LINGO2: variants seen among roughly 807,000 people sequenced by gnomAD.
LINGO2 encodes leucine rich repeat and Ig domain containing 2.
In LINGO2, 14 loss-of-function variants were observed where a neutral mutation model predicts 30.6. The ratio of observed to expected loss-of-function variants is 0.46; its 90% CI spans 0.30 to 0.72. The LOEUF (loss-of-function observed/expected upper bound fraction) is 0.72, where lower values mean the gene tolerates loss of function less well. Among genes scored for constraint, LINGO2 ranks in the 30% least tolerant of loss-of-function variants. The pLI, the probability that LINGO2 is intolerant of heterozygous loss-of-function variation, is 0.07. For synonymous variants in LINGO2, 317 were observed against 288.5 expected (o/e 1.10, Z -1.00); for missense variants, 729 against 751.7 (o/e 0.97, Z 0.35).
chr9:28,017,974 T>C (rs1212010849), intron 4 of LINGO2, among the ~76,000 whole-genome samples: 1 of 152,012 alleles, frequency 6.6e-6, no homozygotes, highest in Non-Finnish European at 1.5e-5. Flanking sequence ...ATCCATAGAG[T>C]AACCAAAACA....
the LINGO2 span, among the ~76,000 whole-genome samples, chr9:29,014,484 A>C: frequency 1.3e-5 from 2 of 152,126 alleles, no homozygotes; most frequent in Non-Finnish European, 2.9e-5. Flanking sequence ...AGATGTATCA[A>C]CTCACTTTAT....
At chr9:29,018,919 A>G in the LINGO2 span, among the ~76,000 whole-genome samples, 17 of 152,282 alleles carry the variant, frequency 1.1e-4, no homozygotes, top group African/African-American at 4.1e-4. Flanking sequence ...GGTATGAGCA[A>G]AAAGACTTGA....
chr9:28,648,620 A>G (rs1827948569), intron 1 of LINGO2, among the ~76,000 whole-genome samples: 1 of 152,118 alleles, frequency 6.6e-6, no homozygotes, highest in South Asian at 2.1e-4. Flanking sequence ...ATATCCAATC[A>G]TGTTTGAACA....
At position 28,082,204 on chromosome 9, in the gene LINGO2, C is replaced by G. The variant is rs1587822579; in HGVS notation, c.-86-69799G>C. 2.0e-5 allele frequency among the ~76,000 whole-genome samples: 3 copies of G among 152,198 alleles called. No individual in the cohort carries two copies. In the East Asian group the frequency reaches 5.8e-4, roughly 29 times the overall value. On this transcript the variant is annotated intron_variant, in intron 4 of 5. Transcript: ENST00000379992. ...AACAAAACAAAACAAAAATCACCTT[C>G]TGAAACCTTATTAAGACACATGAAA...
chr9:29,021,430 G>C, the LINGO2 span, among the ~76,000 whole-genome samples: 3 of 152,098 alleles, frequency 2.0e-5, no homozygotes, highest in Admixed American at 6.6e-5. Context: ...AGGCGATGCG[G>C]GCGGATCATG....
At chr9:28,986,547 T>C in the LINGO2 span, among the ~76,000 whole-genome samples, 1 of 152,066 alleles carries the variant, frequency 6.6e-6, no homozygotes, top group African/African-American at 2.4e-5. Context: ...CTTCAGTTTC[T>C]TTCATCAATG....
the LINGO2 span, among the ~76,000 whole-genome samples, chr9:28,838,193 T>C: frequency 4.7e-4 from 71 of 152,162 alleles, no homozygotes; most frequent in African/African-American, 1.6e-3. Context: ...AGCTACATGA[T>C]ATTACAATAG....
chr9:28,082,978 G>A (rs536439115), intron 4 of LINGO2, among the ~76,000 whole-genome samples: 1 of 152,180 alleles, frequency 6.6e-6, no homozygotes, highest in South Asian at 2.1e-4. Context: ...GTATACTTTG[G>A]TACTCCCATA....
At chr9:28,821,879 TC>T in the LINGO2 span, among the ~76,000 whole-genome samples, 1 of 152,090 alleles carries the variant, frequency 6.6e-6, no homozygotes, top group South Asian at 2.1e-4. Context: ...TAATAATCAC[TC>T]CAGAGATGTG....
chr9:27,966,962 A>C (rs1002398976), intron 5 of LINGO2, among the ~76,000 whole-genome samples: 4 of 152,140 alleles, frequency 2.6e-5, no homozygotes, highest in Non-Finnish European at 5.9e-5. Context: ...CAGATTCTTC[A>C]ATTTTATCGA....
intron 3 of LINGO2, among the ~76,000 whole-genome samples, chr9:28,313,929 A>G (rs10126010): frequency 6.6e-6 from 1 of 151,858 alleles, no homozygotes; most frequent in African/African-American, 2.4e-5. Context: ...GTGACCAGTG[A>G]GAATTGATTT....
At chr9:29,213,239 G>T in the LINGO2 span, among the ~76,000 whole-genome samples, 14 of 152,298 alleles carry the variant, frequency 9.2e-5, no homozygotes, top group African/African-American at 3.4e-4. Flanking sequence ...CTGGCATCAG[G>T]CAGGATATTC....
the LINGO2 span, among the ~76,000 whole-genome samples, chr9:28,764,046 C>CA: frequency 6.6e-6 from 1 of 151,010 alleles, no homozygotes; most frequent in South Asian, 2.1e-4. Flanking sequence ...CCAACAACAA[C>CA]AAAAAAGAGC....
At chr9:29,003,319 T>A in the LINGO2 span, among the ~76,000 whole-genome samples, 3 of 151,972 alleles carry the variant, frequency 2.0e-5, no homozygotes, top group African/African-American at 7.2e-5. Flanking sequence ...GATAATGAAT[T>A]TGTATGCTCT....
Position 28,000,808 on chromosome 9 carries a change from G to A in LINGO2, c.-36+11547C>T, listed in dbSNP as rs187891534. Among the ~76,000 whole-genome samples, 298 of 152,266 alleles carry A rather than the reference G, an allele frequency of 2.0e-3. 2 individuals carry two copies. Among genetic ancestry groups the A allele is most frequent in the Non-Finnish European group, 1.6e-3 (108 of 68,020 alleles). On this transcript the variant is annotated intron_variant, in intron 5 of 5. Coordinates refer to ENST00000379992, the Ensembl canonical transcript of LINGO2. ...ATTCTCATAATTATTCTTCACTCTA[G>A]CCTGATAGAAACTTTATCCAGACTC...
intron 4 of LINGO2, among the ~76,000 whole-genome samples, chr9:28,132,140 A>T (rs1053349127): frequency 1.3e-5 from 2 of 152,206 alleles, no homozygotes; most frequent in Non-Finnish European, 2.9e-5. Context: ...TAGTAAACTG[A>T]TAGATATGTA....
chr9:29,063,676 A>T, the LINGO2 span, among the ~76,000 whole-genome samples: 2 of 152,130 alleles, frequency 1.3e-5, no homozygotes, highest in African/African-American at 4.8e-5. Context: ...TATGGATTAC[A>T]GGCATGAGTC....
chr9:29,059,068 G>C, the LINGO2 span, among the ~76,000 whole-genome samples: 5 of 151,864 alleles, frequency 3.3e-5, no homozygotes, highest in South Asian at 1.0e-3. Context: ...AAATAGTATG[G>C]ATGAATCTAA....
At chr9:28,202,672 T>C (rs531398503) in intron 4 of LINGO2, among the ~76,000 whole-genome samples, 88 of 152,256 alleles carry the variant, frequency 5.8e-4, no homozygotes, top group Admixed American at 1.2e-3. Flanking sequence ...GCTCAAATCA[T>C]GTGACTTTGT....
Sources: allele counts gnomAD v4.1 joint callset (sites outside exome capture counted in the v4.1 genomes callset), GRCh38; gene constraint gnomAD v4.1.1; transcripts MANE v1.5; gene names NCBI Gene and HGNC (gene_info 2026-07-23, HGNC 2026-07-21).